Variants in STXBP5L observed in about 807,000 individuals in gnomAD.
The protein encoded by STXBP5L is syntaxin binding protein 5L.
Under a neutral mutation model 144.5 loss-of-function variants are expected in STXBP5L, and 65 were observed. The ratio of observed to expected loss-of-function variants is 0.45; its 90% CI spans 0.37 to 0.55. The LOEUF (loss-of-function observed/expected upper bound fraction) is 0.55. Ranked by LOEUF, STXBP5L falls within the 20% of genes least tolerant of loss-of-function variation. STXBP5L has a pLI of 0.00. For synonymous variants in STXBP5L, 505 were observed against 469.6 expected, an observed-to-expected ratio of 1.08 and a Z score of -0.97; for missense variants, 1,298 against 1,405.5, an observed-to-expected ratio of 0.92 and a Z score of 1.22.
At chr3:121,162,305 A>C (rs2046351879) in intron 9 of STXBP5L, among the ~76,000 whole-genome samples, 1 of 152,194 alleles carries the variant, frequency 6.6e-6, no homozygotes, top group African/African-American at 2.4e-5. Context: ...TCCCTGACAA[A>C]AATGTGCAAT....
chr3:121,191,323 C>T (rs191285793), intron 9 of STXBP5L, among the ~76,000 whole-genome samples: 134 of 152,302 alleles, frequency 8.8e-4, no homozygotes, highest in East Asian at 1.5e-3. Flanking sequence ...AGATCACTCG[C>T]GGTCAGGAGC....
At chr3:121,041,977 A>G (rs1251072791) in intron 4 of STXBP5L, among the ~76,000 whole-genome samples, 196 bp downstream of exon 4, 1 of 152,146 alleles carries the variant, frequency 6.6e-6, no homozygotes, top group Admixed American at 6.6e-5. Flanking sequence ...AAAAGATTGT[A>G]TATGCCATAT....
intron 3 of STXBP5L, among the ~76,000 whole-genome samples, chr3:120,992,426 A>G (rs1293319283): frequency 6.6e-6 from 1 of 152,102 alleles, no homozygotes; most frequent in Admixed American, 6.6e-5. Flanking sequence ...ATTTGTACCC[A>G]TTAACTAACC....
intron 9 of STXBP5L, among the ~76,000 whole-genome samples, chr3:121,204,549 T>G (rs1448349107): frequency 6.6e-6 from 1 of 152,188 alleles, no homozygotes; most frequent in Non-Finnish European, 1.5e-5. Context: ...TATGCTTATG[T>G]TATTCTGAAG....
intron 17 of STXBP5L, 104 bp from the exon 18 acceptor site, chr3:121,258,939 C>A (rs2050296133): frequency 8.6e-6 from 10 of 1,159,332 alleles, no homozygotes; most frequent in East Asian, 2.9e-5. Flanking sequence ...CCTGCAATGC[C>A]TGGTGTTGTA....
At chr3:121,332,765 A>G (rs1254529905) in intron 20 of STXBP5L, among the ~76,000 whole-genome samples, 1 of 152,080 alleles carries the variant, frequency 6.6e-6, no homozygotes, top group South Asian at 2.1e-4. Flanking sequence ...CAAGAAGTTC[A>G]AAGAACTCCT....
chr3:120,922,857 A>C (rs1398163263), intron 2 of STXBP5L, among the ~76,000 whole-genome samples: 2 of 151,834 alleles, frequency 1.3e-5, no homozygotes, highest in Non-Finnish European at 2.9e-5. Flanking sequence ...TCTGGTTTTC[A>C]TAATTCTGGT....
At chr3:121,185,672 C>G (rs1487823414) in intron 9 of STXBP5L, among the ~76,000 whole-genome samples, 2 of 152,086 alleles carry the variant, frequency 1.3e-5, no homozygotes, top group Non-Finnish European at 2.9e-5. Context: ...TGTTTTGGTA[C>G]CAGTGCCATA....
intron 2 of STXBP5L, among the ~76,000 whole-genome samples, chr3:120,912,071 A>T (rs749997786): frequency 2.0e-5 from 3 of 151,968 alleles, no homozygotes; most frequent in Non-Finnish European, 4.4e-5. Context: ...CTGATTAGTC[A>T]TCACATCCCC....
chr3:120,975,739 A>T, intron 3 of STXBP5L, among the ~76,000 whole-genome samples: 1 of 152,172 alleles, frequency 6.6e-6, no homozygotes, highest in Admixed American at 6.5e-5. Flanking sequence ...ATTTATTGAG[A>T]GTTTTTAGCA....
At chr3:120,944,134 G>T (rs1274820740) in intron 2 of STXBP5L, among the ~76,000 whole-genome samples, 2 of 151,420 alleles carry the variant, frequency 1.3e-5, no homozygotes, top group East Asian at 3.9e-4. Context: ...TGGGGATGTG[G>T]GAAGTATGCT....
rs556456902 is a variant in STXBP5L at position 121,126,589 on chromosome 3, A to G, written c.669+4885A>G. On this transcript the variant is annotated intron_variant, in intron 7 of 26. Transcript: ENST00000471454. Reference sequence around the variant, plus strand: ...TAAGATAAAGGGAGATAAAGTAGTCATGGTGTTTAATTGATATGGGGTAAT... The same window carrying G: ...TAAGATAAAGGGAGATAAAGTAGTCGTGGTGTTTAATTGATATGGGGTAAT... 2.4e-4 allele frequency among the ~76,000 whole-genome samples: 37 copies of G among 152,330 alleles called. No individual in the cohort carries two copies. In the South Asian group the frequency reaches 2.7e-3, roughly 11 times the overall value.
chr3:121,306,077 G>A (rs1039773287), intron 19 of STXBP5L, among the ~76,000 whole-genome samples: 2 of 152,128 alleles, frequency 1.3e-5, no homozygotes, highest in Non-Finnish European at 2.9e-5. Flanking sequence ...ATTCCTGAGT[G>A]GAAGAGCATA....
At chr3:121,332,000 C>T (rs926564145) in intron 20 of STXBP5L, among the ~76,000 whole-genome samples, 1 of 151,576 alleles carries the variant, frequency 6.6e-6, no homozygotes, top group African/African-American at 2.4e-5. Flanking sequence ...GAGTCTTCAC[C>T]TCTGAAAGCG....
intron 18 of STXBP5L, among the ~76,000 whole-genome samples, chr3:121,271,656 T>A (rs1285050779): frequency 6.6e-6 from 1 of 152,242 alleles, no homozygotes; most frequent in Non-Finnish European, 1.5e-5. Context: ...TATTCTTTTA[T>A]ATTCTTGCTT....
chr3:120,950,831 G>A (rs1176332185), intron 2 of STXBP5L, among the ~76,000 whole-genome samples: 1 of 152,048 alleles, frequency 6.6e-6, no homozygotes, highest in Admixed American at 6.6e-5. Context: ...AACCAAAAAA[G>A]AGCCAGCATC....
At chr3:121,411,738 A>T (rs2047118317) in intron 23 of STXBP5L, among the ~76,000 whole-genome samples, 1 of 152,130 alleles carries the variant, frequency 6.6e-6, no homozygotes, top group Non-Finnish European at 1.5e-5. Flanking sequence ...GCCCTAAGTT[A>T]TGGGTAATTT....
Position 121,043,652 on chromosome 3 carries a change from T to G in STXBP5L, c.370-1783T>G, listed in dbSNP as rs559237346. On this transcript the variant is annotated intron_variant, in intron 4 of 26. Transcript: ENST00000471454. ...TGAACTTGGGAGGCAGAGGTTGCAG[T>G]GAGCTAAGATCGCACCACTGCACTC... Among the ~76,000 whole-genome samples the G allele has an allele frequency of 3.2e-4, 49 of 152,238 alleles. 3 individuals carry two copies. In the South Asian group the frequency reaches 9.7e-3, roughly 30 times the overall value.
intron 20 of STXBP5L, among the ~76,000 whole-genome samples, chr3:121,321,668 A>T (rs77013030): frequency 0.019 from 2,934 of 152,236 alleles, 90 homozygotes; most frequent in African/African-American, 0.066. Flanking sequence ...GAAACATTTT[A>T]AAAATATTTT....
Sources: gnomAD v4.1 joint callset for allele counts (sites outside exome capture counted in the v4.1 genomes callset) on GRCh38, gnomAD v4.1.1 for gene constraint, MANE v1.5 for transcripts, NCBI Gene and HGNC (gene_info 2026-07-23, HGNC 2026-07-21) for gene names.